Variants in KIF3B observed in about 807,000 individuals in gnomAD.
The protein encoded by KIF3B is kinesin-like protein KIF3B.
In KIF3B, 38 loss-of-function variants were observed where a neutral mutation model predicts 74.3. The ratio of observed to expected loss-of-function variants is 0.51; its 90% CI spans 0.39 to 0.67. The LOEUF is 0.67. Among genes scored for constraint, KIF3B ranks in the 30% least tolerant of loss-of-function variants. The pLI is 0.00. For synonymous variants in KIF3B, 326 were observed against 342.5 expected (o/e 0.95, Z 0.53); for missense variants, 649 against 932.0 (o/e 0.70, Z 3.95).
At position 32,312,083 on chromosome 20, in the gene KIF3B, G is replaced by A. The variant is rs62208771; in HGVS notation, c.1404+902G>A. Among the ~76,000 whole-genome samples the A allele has an allele frequency of 4.1e-3, 624 of 150,768 alleles. 1 individual carries two copies. The highest frequency in any genetic ancestry group is 0.017 in the Middle Eastern group (5 of 294). On this transcript the variant is annotated intron_variant, in intron 2 of 8. Transcript: ENST00000375712. Reference sequence around the variant, plus strand: ...CTCCCCAAGTGCTGGGATTACAGACGTGAGCCACCGTGTCCGGCTTTTTTT... The same window carrying A: ...CTCCCCAAGTGCTGGGATTACAGACATGAGCCACCGTGTCCGGCTTTTTTT...
chr20:32,312,787 G>A (rs1227041892), intron 2 of KIF3B, among the ~76,000 whole-genome samples: 1 of 152,148 alleles, frequency 6.6e-6, no homozygotes, highest in Non-Finnish European at 1.5e-5. Context: ...AGATTGTCTT[G>A]TTTGGCACTG....
At chr20:32,329,674 A>G (rs1026434645) in intron 7 of KIF3B, among the ~76,000 whole-genome samples, 2 of 152,204 alleles carry the variant, frequency 1.3e-5, no homozygotes, top group Non-Finnish European at 2.9e-5. Context: ...CACCAGAAGT[A>G]TATATATGAT....
At chr20:32,319,142 G>A (rs1326289202) in intron 5 of KIF3B, among the ~76,000 whole-genome samples, 2 of 151,584 alleles carry the variant, frequency 1.3e-5, no homozygotes, top group Non-Finnish European at 2.9e-5. Context: ...TGTGTTTTTT[G>A]TAGAGATGGG....
At chr20:32,287,720 A>G (rs2047673604) in intron 1 of KIF3B, among the ~76,000 whole-genome samples, 1 of 152,140 alleles carries the variant, frequency 6.6e-6, no homozygotes, top group Non-Finnish European at 1.5e-5. Context: ...CCACCTTTTT[A>G]TAATCACATA....
In KIF3B at chr20:32,310,782, C is replaced by T. The variant is rs746438023; in HGVS notation, c.1005C>T (p.Asn335=). Residue 335 remains asparagine, a synonymous_variant, in exon 2 of 9, where the codon AAC becomes AAT. Transcript: ENST00000375712. The surrounding 1 kb of genome is among the most constrained non-coding windows in gnomAD (Gnocchi z 6.5). ...EETLTTLRYA[N]RAKNIKNKPR... is the part of the protein sequence containing the mutation. ...CTCTGACCACTCTGCGATATGCCAACCGTGCCAAAAACATTAAGAACAAAC... is the reference window on the plus strand; with the variant it reads ...CTCTGACCACTCTGCGATATGCCAATCGTGCCAAAAACATTAAGAACAAAC... 1 of 1,614,168 alleles carries T rather than the reference C, an allele frequency of 6.2e-7. No homozygotes were observed. Among genetic ancestry groups the T allele is most frequent in the Non-Finnish European group, 8.5e-7 (1 of 1,180,026 alleles).
At chr20:32,328,898 A>T (rs1480890549) in intron 7 of KIF3B, among the ~76,000 whole-genome samples, 1 of 152,124 alleles carries the variant, frequency 6.6e-6, no homozygotes, top group Non-Finnish European at 1.5e-5. Flanking sequence ...CTTTTTAATT[A>T]AATTAAATTA....
chr20:32,290,628 T>C (rs2047686795), intron 1 of KIF3B, among the ~76,000 whole-genome samples: 1 of 152,146 alleles, frequency 6.6e-6, no homozygotes, highest in South Asian at 2.1e-4. Context: ...CCCAGCACTT[T>C]GGGAGGCCAA....
Position 32,311,193 on chromosome 20 carries a change from G to C in KIF3B, c.1404+12G>C. The C allele has an allele frequency of 1.3e-6, 2 of 1,588,234 alleles. No individual in the cohort carries two copies. The highest frequency in any genetic ancestry group is 2.7e-5 in the African/African-American group (2 of 74,044). ...GCGCCAAGATCAAGGTACCATACCC[G>C]TACCCTTCCTTAGGCCCTTGCCCTG... is the stretch of plus-strand genomic sequence containing the variant. On this transcript the variant is annotated intron_variant, in intron 2 of 8. Transcript: ENST00000375712.
chr20:32,286,936 A>G (rs1416717885), intron 1 of KIF3B, among the ~76,000 whole-genome samples: 4 of 152,220 alleles, frequency 2.6e-5, no homozygotes, highest in African/African-American at 9.6e-5. Flanking sequence ...CCCCCCTTAA[A>G]TAATGTTTTT....
chr20:32,314,527 G>A (rs1172752590), intron 2 of KIF3B, among the ~76,000 whole-genome samples: 2 of 150,988 alleles, frequency 1.3e-5, no homozygotes, highest in Admixed American at 1.3e-4. Context: ...GCGACAAAGC[G>A]AGACTCCATC....
In KIF3B at chr20:32,331,680, A is replaced by C; in HGVS notation, c.*361A>C. 4.3e-6 allele frequency: 1 copy of C among 233,796 alleles called. No individual in the cohort carries two copies. The highest frequency in any genetic ancestry group is 8.2e-6 in the Non-Finnish European group (1 of 122,166). 14.5% of individuals were successfully genotyped at this position (233,796 alleles called of 1,614,324 possible). ...TCTCTCCTTTTCTAGCCTGTTCTTT[A>C]CATGGGGCTCCCTTCTTGTTGAACA... On this transcript the variant is annotated 3_prime_UTR_variant, in exon 9 of 9. Coordinates refer to ENST00000375712, the MANE Select transcript of KIF3B (RefSeq NM_004798.4).
At chr20:32,299,764 A>T (rs933037332) in intron 1 of KIF3B, among the ~76,000 whole-genome samples, 2 of 151,612 alleles carry the variant, frequency 1.3e-5, no homozygotes, top group African/African-American at 4.9e-5. Flanking sequence ...TCCCCTATAA[A>T]TGGATGTCTA....
intron 2 of KIF3B, 62 bp downstream of exon 2, chr20:32,311,243 A>T: frequency 1.4e-6 from 2 of 1,462,062 alleles, no homozygotes; most frequent in Non-Finnish European, 1.8e-6. Flanking sequence ...TTCATCAAAC[A>T]ACAACAAAAA....
At chr20:32,285,431 G>A (rs1217891156) in intron 1 of KIF3B, among the ~76,000 whole-genome samples, 1 of 152,136 alleles carries the variant, frequency 6.6e-6, no homozygotes, top group Non-Finnish European at 1.5e-5. Context: ...ATCTCACTGT[G>A]CCTCAGTTTT....
At chr20:32,326,946 CAA>C in intron 6 of KIF3B, 62 bp downstream of exon 6, 7 of 831,708 alleles carry the variant, frequency 8.4e-6, no homozygotes, top group Non-Finnish European at 1.4e-5. Flanking sequence ...ATGTTGATAA[CAA>C]GAGCCCTCTG....
In KIF3B at chr20:32,326,849, A is replaced by G; in HGVS notation, c.1827A>G (p.Glu609=). 2 of 1,589,724 alleles carry G rather than the reference A, an allele frequency of 1.3e-6. No individual in the cohort carries two copies. Among genetic ancestry groups the G allele is most frequent in the Non-Finnish European group, 1.7e-6 (2 of 1,160,476 alleles). Residue 609 remains glutamate (E), a synonymous_variant, in exon 6 of 9, where the codon GAA becomes GAG. Coordinates refer to ENST00000375712, the MANE Select transcript of KIF3B (RefSeq NM_004798.4). ...IMNRAFFDEE[E]DHWKLHPITR... Reference sequence around the variant, plus strand: ...ATAGAGCCTTCTTTGATGAAGAGGAAGATCATTGGAAACTACATCCTATAA... The same window carrying G: ...ATAGAGCCTTCTTTGATGAAGAGGAGGATCATTGGAAACTACATCCTATAA...
At chr20:32,289,707 TAAGC>T (rs1300066013) in intron 1 of KIF3B, among the ~76,000 whole-genome samples, 1 of 152,240 alleles carries the variant, frequency 6.6e-6, no homozygotes, top group Non-Finnish European at 1.5e-5. Flanking sequence ...AACTTTGTGT[TAAGC>T]AAAGTAGATT....
intron 7 of KIF3B, among the ~76,000 whole-genome samples, chr20:32,327,984 C>A (rs1026298447): frequency 2.6e-5 from 4 of 151,610 alleles, no homozygotes; most frequent in African/African-American, 9.7e-5. Flanking sequence ...GCCTGTAGTC[C>A]CAGCTACTTG....
At chr20:32,281,572 C>A (rs1452760883) in intron 1 of KIF3B, among the ~76,000 whole-genome samples, 1 of 152,142 alleles carries the variant, frequency 6.6e-6, no homozygotes, top group Non-Finnish European at 1.5e-5. Flanking sequence ...CAAAACTTAG[C>A]TGGGTGTGGT....
Sources: allele counts gnomAD v4.1 joint callset (sites outside exome capture counted in the v4.1 genomes callset), GRCh38; gene constraint gnomAD v4.1.1; non-coding constraint Gnocchi (gnomAD v3.1); transcripts MANE v1.5; gene names NCBI Gene and HGNC (gene_info 2026-07-23, HGNC 2026-07-21).